The following TXNDC5 variants were observed in gnomAD, a reference collection of about 807,000 sequenced individuals.
The protein encoded by TXNDC5 is thioredoxin domain-containing protein 5.
A neutral mutation model predicts 52.6 loss-of-function variants in TXNDC5; 44 were observed. The observed-to-expected ratio is 0.84, with a 90% CI of 0.66 to 1.08. The LOEUF is 1.08. Among genes scored for constraint, TXNDC5 ranks in the 50% least tolerant of loss-of-function variants. The pLI is 0.00. For synonymous variants in TXNDC5, 241 were observed against 234.4 expected (o/e 1.03, Z -0.26); for missense variants, 600 against 565.5 (o/e 1.06, Z -0.62).
intron 7 of TXNDC5, among the ~76,000 whole-genome samples, chr6:7,886,355 G>A (rs560444771): frequency 6.6e-5 from 10 of 152,234 alleles, no homozygotes; most frequent in African/African-American, 2.2e-4. Flanking sequence ...GATGAGGCAG[G>A]TTGAAAACTC....
chr6:7,894,857 C>A, intron 4 of TXNDC5: 1 of 985,412 alleles, frequency 1.0e-6, no homozygotes, highest in Non-Finnish European at 1.2e-6. Flanking sequence ...GATGCACTGT[C>A]CAGCTAGTGT....
intron 7 of TXNDC5, among the ~76,000 whole-genome samples, chr6:7,887,901 C>T (rs7759451): frequency 0.028 from 4,286 of 152,222 alleles, 82 homozygotes; most frequent in African/African-American, 0.061. Flanking sequence ...CCTGCCCAGC[C>T]TATCTGTCCA....
Position 7,888,933 on chromosome 6 carries a change from G to T in TXNDC5, c.820-85C>A. The T allele has an allele frequency of 7.4e-6, 11 of 1,492,862 alleles. No homozygotes were observed. In the South Asian group the frequency reaches 1.2e-4, roughly 16 times the overall value. The allele number at this position is 1,492,862 out of a possible 1,614,324, so 92.5% of individuals were successfully genotyped here. ...GCCTTCCTGCAACCCCTGCTTGCCC[G>T]GGTCAGAGCTCCCAGATGTCTTAGC... On this transcript the variant is annotated intron_variant, in intron 6 of 9. Coordinates refer to ENST00000379757, the MANE Select transcript of TXNDC5 (RefSeq NM_030810.5).
At chr6:7,884,708 A>C (rs1232853840) in intron 8 of TXNDC5, among the ~76,000 whole-genome samples, 2 of 152,218 alleles carry the variant, frequency 1.3e-5, no homozygotes, top group South Asian at 2.1e-4. Flanking sequence ...CTTTCAGATA[A>C]TGTGACAGAA....
At chr6:7,889,074 T>TCTGC (rs1475020070) in intron 6 of TXNDC5, 32 of 549,822 alleles carry the variant, frequency 5.8e-5, no homozygotes, top group Non-Finnish European at 8.8e-5. Flanking sequence ...GGGTTACACA[T>TCTGC]CACAGAAGTC....
chr6:7,906,505 C>T (rs1164447560), intron 1 of TXNDC5, among the ~76,000 whole-genome samples: 3 of 135,888 alleles, frequency 2.2e-5, no homozygotes, highest in South Asian at 2.3e-4. Context: ...TATTGCACTC[C>T]AGCCTGGGCG....
At chr6:7,910,222 C>A (rs1561818043) in intron 1 of TXNDC5, 2 of 898,412 alleles carry the variant, frequency 2.2e-6, no homozygotes, top group Non-Finnish European at 2.7e-6. Flanking sequence ...GAGCCCCAAG[C>A]CCTCGGTCCC....
At chr6:7,903,396 G>A (rs1225958) in intron 2 of TXNDC5, among the ~76,000 whole-genome samples, 46,036 of 152,128 alleles carry the variant, frequency 0.3, 7,621 homozygotes, top group East Asian at 0.65. Flanking sequence ...TTGTGGAAAC[G>A]CCCACATTTC....
rs200743863 is a variant in TXNDC5 at position 7,883,131 on chromosome 6, T to A, written c.*13A>T. 2 of 1,614,032 alleles carry A rather than the reference T, an allele frequency of 1.2e-6. No individual in the cohort carries two copies. The highest frequency in any genetic ancestry group is 1.1e-5 in the South Asian group (1 of 91,062). ...CGGGAGCTGGGCAGGAGAGGTGACC[T>A]CCAACTGTGTTCCTAAAGTTCGTCT... On this transcript the variant is annotated 3_prime_UTR_variant, in exon 10 of 10. Coordinates refer to ENST00000379757, the MANE Select transcript of TXNDC5 (RefSeq NM_030810.5).
chr6:7,909,737 G>A (rs1001243213), intron 1 of TXNDC5: 10 of 983,030 alleles, frequency 1.0e-5, no homozygotes, highest in Non-Finnish European at 1.1e-5. Context: ...GTCTTCCCGG[G>A]GTAGCTCAGC....
intron 1 of TXNDC5, 43 bp from the exon 2 acceptor site, chr6:7,904,766 C>T: frequency 6.2e-7 from 1 of 1,612,856 alleles, no homozygotes; most frequent in African/African-American, 1.3e-5. Context: ...TATCAGGTCA[C>T]AGGGCAGCTG....
chr6:7,908,724 C>G (rs1400402264), intron 1 of TXNDC5, among the ~76,000 whole-genome samples: 1 of 152,054 alleles, frequency 6.6e-6, no homozygotes, highest in Non-Finnish European at 1.5e-5. Context: ...GTAGTCACAG[C>G]TACTTCAGAG....
Position 7,903,023 on chromosome 6 carries a change from CTG to C in TXNDC5, c.413+1549_413+1550del, listed in dbSNP as rs539099923. ...ACCACTCTCAGCTCCATTACAGGTC[CTG>C]TGTCACCTTCCCTGTGGCATGGTGT... On this transcript the variant is annotated intron_variant, in intron 2 of 9. Coordinates refer to ENST00000379757, the MANE Select transcript of TXNDC5 (RefSeq NM_030810.5). Among the ~76,000 whole-genome samples the C allele has an allele frequency of 5.5e-4, 83 of 152,278 alleles. 1 individual carries two copies. The South Asian group carries it at 0.017, about 31-fold the overall frequency.
At chr6:7,904,803 G>A (rs1017634524) in intron 1 of TXNDC5, 80 bp from the exon 2 acceptor site, 7 of 1,555,054 alleles carry the variant, frequency 4.5e-6, no homozygotes, top group Non-Finnish European at 6.2e-6. Context: ...CTGTCCAGGG[G>A]ACAATGGGGC....
Position 7,899,695 on chromosome 6 carries a change from A to G in TXNDC5, c.414-14T>C, listed in dbSNP as rs1760498106. ...AAAAGCTTTAAGCTGAAAGAATAAC[A>G]AAGGATTAGACAGAGCAAAAAGAAA... On this transcript the variant is annotated splice_polypyrimidine_tract_variant and intron_variant, in intron 2 of 9. Transcript: ENST00000379757. 6.2e-7 allele frequency: 1 copy of G among 1,609,240 alleles called. No homozygotes were observed. Among genetic ancestry groups the G allele is most frequent in the Non-Finnish European group, 8.5e-7 (1 of 1,175,988 alleles).
intron 3 of TXNDC5, among the ~76,000 whole-genome samples, chr6:7,896,315 G>A (rs890316259): frequency 1.4e-4 from 21 of 152,208 alleles, no homozygotes; most frequent in African/African-American, 4.1e-4. Context: ...GACCCAAGCA[G>A]ACAGCAATGT....
At chr6:7,891,961 A>T (rs1027376444) in intron 4 of TXNDC5, among the ~76,000 whole-genome samples, 1 of 152,226 alleles carries the variant, frequency 6.6e-6, no homozygotes, top group African/African-American at 2.4e-5. Flanking sequence ...GACAATCAGC[A>T]ATCAACTCAT....
intron 2 of TXNDC5, among the ~76,000 whole-genome samples, chr6:7,903,481 G>C (rs1372050865): frequency 6.6e-6 from 1 of 152,176 alleles, no homozygotes; most frequent in Non-Finnish European, 1.5e-5. Context: ...TGTAAGTCCT[G>C]TAACAATGTT....
chr6:7,884,215 TCTCC>T, intron 9 of TXNDC5, 140 bp downstream of exon 9: 1 of 1,121,146 alleles, frequency 8.9e-7, no homozygotes, highest in Non-Finnish European at 1.3e-6. Flanking sequence ...CTCTTTTGCT[TCTCC>T]AAACAAACAA....
Sources: allele counts gnomAD v4.1 joint callset (sites outside exome capture counted in the v4.1 genomes callset), GRCh38; gene constraint gnomAD v4.1.1; transcripts MANE v1.5; gene names NCBI Gene and HGNC (gene_info 2026-07-23, HGNC 2026-07-21).